Variants in ZNF736 observed in about 807,000 individuals in gnomAD.
ZNF736 encodes zinc finger protein 736.
ZNF736 carries 6 observed loss-of-function variants against 11.7 expected under a neutral mutation model. That is an observed-to-expected ratio of 0.51 (90% CI 0.28 to 1.01). ZNF736 has a LOEUF of 1.01. Ranked by LOEUF, ZNF736 falls within the 50% of genes least tolerant of loss-of-function variation. ZNF736 has a pLI of 0.09. For synonymous variants in ZNF736, 139 were observed against 164.7 expected, an observed-to-expected ratio of 0.84 and a Z score of 1.19; for missense variants, 444 against 496.0, an observed-to-expected ratio of 0.90 and a Z score of 1.00.
intron 3 of ZNF736, among the ~76,000 whole-genome samples, chr7:64,347,402 T>G (rs1789426806): frequency 1.3e-5 from 2 of 151,870 alleles, no homozygotes; most frequent in Non-Finnish European, 2.9e-5. Context: ...ATTTTTGTAT[T>G]TTTAGTTGAG....
chr7:64,337,722 A>AT (rs1175869275), intron 3 of ZNF736, among the ~76,000 whole-genome samples: 6 of 131,696 alleles, frequency 4.6e-5, no homozygotes, highest in East Asian at 2.4e-4. Context: ...ATTGCTGAGT[A>AT]TTTTTTTTGT....
chr7:64,323,533 T>C (rs1350633521), intron 1 of ZNF736, among the ~76,000 whole-genome samples: 2 of 152,160 alleles, frequency 1.3e-5, no homozygotes, highest in African/African-American at 2.4e-5. Flanking sequence ...GTGGTAGGTA[T>C]ATACCATGGA....
intron 3 of ZNF736, among the ~76,000 whole-genome samples, chr7:64,339,179 A>C (rs1789301076): frequency 6.6e-6 from 1 of 152,018 alleles, no homozygotes; most frequent in Non-Finnish European, 1.5e-5. Context: ...TTACTATTAT[A>C]GTTGTTGCCT....
At chr7:64,323,243 T>C (rs1789026606) in intron 1 of ZNF736, among the ~76,000 whole-genome samples, 1 of 152,184 alleles carries the variant, frequency 6.6e-6, no homozygotes, top group Admixed American at 6.5e-5. Context: ...TTTGAAGTAA[T>C]AAATATTTTT....
chr7:64,346,923 T>C (rs1369938296), intron 3 of ZNF736, among the ~76,000 whole-genome samples: 1 of 152,014 alleles, frequency 6.6e-6, no homozygotes, highest in Non-Finnish European at 1.5e-5. Flanking sequence ...TTTTAAAAAA[T>C]AGATCAAGAC....
chr7:64,339,723 C>T (rs1789310014), intron 3 of ZNF736, among the ~76,000 whole-genome samples: 1 of 139,458 alleles, frequency 7.2e-6, no homozygotes, highest in Admixed American at 8.2e-5. Flanking sequence ...AAGTATAATG[C>T]CCCTAGCTTT....
chr7:64,322,173 C>G (rs1255361409), intron 1 of ZNF736, among the ~76,000 whole-genome samples: 1 of 152,010 alleles, frequency 6.6e-6, no homozygotes, highest in East Asian at 1.9e-4. Flanking sequence ...ACATTTGCAC[C>G]AGGAGTTAAA....
At chr7:64,324,742 A>T (rs1789059610) in intron 1 of ZNF736, among the ~76,000 whole-genome samples, 1 of 152,340 alleles carries the variant, frequency 6.6e-6, no homozygotes, top group Non-Finnish European at 1.5e-5. Flanking sequence ...AGACACAGAA[A>T]TAAGCCAGAG....
intron 1 of ZNF736, among the ~76,000 whole-genome samples, chr7:64,329,629 A>C (rs371275812): frequency 1.3e-5 from 2 of 151,764 alleles, no homozygotes. Context: ...CTCTCTCTGC[A>C]TGCTGAGCTA....
intron 1 of ZNF736, among the ~76,000 whole-genome samples, chr7:64,328,606 C>A (rs1489403874): frequency 2.6e-5 from 4 of 152,008 alleles, no homozygotes; most frequent in Non-Finnish European, 5.9e-5. Context: ...TTAAAAAATA[C>A]AAAAAATTAG....
chr7:64,333,216 G>A (rs895273778), intron 1 of ZNF736, among the ~76,000 whole-genome samples: 1 of 152,180 alleles, frequency 6.6e-6, no homozygotes, highest in African/African-American at 2.4e-5. Context: ...CGCTACTTGT[G>A]ATGTTTTGCC....
At chr7:64,345,308 C>G (rs1348990854) in intron 3 of ZNF736, among the ~76,000 whole-genome samples, 1 of 151,686 alleles carries the variant, frequency 6.6e-6, no homozygotes, top group Non-Finnish European at 1.5e-5. Context: ...AGGCGTGAAC[C>G]ACTGTGCCCG....
chr7:64,329,349 T>G (rs1271051187), intron 1 of ZNF736, among the ~76,000 whole-genome samples: 19 of 152,142 alleles, frequency 1.2e-4, no homozygotes, highest in Admixed American at 1.2e-3. Context: ...TAGGTATTTA[T>G]TTTAGTTTTT....
rs1789453351 is a variant in ZNF736, at chr7:64,349,127, G to T, written c.1264G>T (p.Glu422Ter). The T allele has an allele frequency of 6.4e-7, 1 of 1,554,180 alleles. No individual in the cohort carries two copies. Among genetic ancestry groups the T allele is most frequent in the African/African-American group, 1.4e-5 (1 of 72,692 alleles). Residue 422 changes from glutamate (E) to a stop codon, truncating the protein, a stop_gained, in exon 4 of 4, where the codon GAG becomes TAG. Transcript: ENST00000423484. LOFTEE classifies it high-confidence loss of function. ...LIRHKRIHTR[E>*]KLHKC is the part of the protein sequence containing the mutation. Reference sequence around the variant, plus strand: ...CAGACATAAGAGAATTCATACTAGAGAGAAGCTCCACAAGTGTTAAAAATG... The same window carrying T: ...CAGACATAAGAGAATTCATACTAGATAGAAGCTCCACAAGTGTTAAAAATG...
At chr7:64,341,641 A>C (rs1789339822) in intron 3 of ZNF736, among the ~76,000 whole-genome samples, 1 of 152,108 alleles carries the variant, frequency 6.6e-6, no homozygotes, top group Non-Finnish European at 1.5e-5. Flanking sequence ...CATCATTTTC[A>C]TGTTAAGGGA....
intron 1 of ZNF736, among the ~76,000 whole-genome samples, chr7:64,319,359 A>G (rs867636809): frequency 0.011 from 1,382 of 120,942 alleles, 103 homozygotes; most frequent in Non-Finnish European, 0.018. Context: ...ATATATATAT[A>G]TATATATATA....
rs1419265658 is a variant in ZNF736, at chr7:64,350,355, A to G, written c.*1208A>G. On this transcript the variant is annotated 3_prime_UTR_variant, in exon 4 of 4. Transcript: ENST00000423484. ...GCTTGGCCTATTCTGCTGTTAATAT[A>G]TGTGATTACATTATAAAGGTTTTGT... 1 of 152,080 alleles carries G rather than the reference A, an allele frequency of 6.6e-6. No individual in the cohort carries two copies. Among genetic ancestry groups the G allele is most frequent in the African/African-American group, 2.4e-5 (1 of 41,406 alleles). 9.4% of individuals were successfully genotyped at this position (152,080 alleles called of 1,614,324 possible).
chr7:64,332,719 G>A (rs1040747640), intron 1 of ZNF736, among the ~76,000 whole-genome samples: 20 of 151,990 alleles, frequency 1.3e-4, no homozygotes, highest in East Asian at 1.9e-4. Flanking sequence ...CAGAGCTGCC[G>A]TTTATAGACC....
At chr7:64,345,013 ATTAT>A (rs138933337) in intron 3 of ZNF736, among the ~76,000 whole-genome samples, 11 of 141,942 alleles carry the variant, frequency 7.7e-5, no homozygotes, top group South Asian at 4.5e-4. Flanking sequence ...AATTTATTTT[ATTAT>A]TTATTTATTT....
Sources: gnomAD v4.1 joint callset for allele counts (sites outside exome capture counted in the v4.1 genomes callset) on GRCh38, gnomAD v4.1.1 for gene constraint, MANE v1.5 for transcripts, NCBI Gene and HGNC (gene_info 2026-07-23, HGNC 2026-07-21) for gene names.